Variants in CNOT8 observed in about 807,000 individuals in gnomAD.
CNOT8 encodes the protein CCR4-NOT transcription complex subunit 8, also known as CAF1-like protein.
Under a neutral mutation model 34.6 loss-of-function variants are expected in CNOT8, and 18 were observed. The observed-to-expected ratio is 0.52, with a 90% CI of 0.36 to 0.77. The LOEUF (loss-of-function observed/expected upper bound fraction) is 0.77, where lower values mean the gene tolerates loss of function less well. CNOT8 is among the 30% of genes least tolerant of loss of function. CNOT8 has a pLI of 0.00. For missense variants in CNOT8, 189 were observed against 347.9 expected (o/e 0.54, Z 3.63); for synonymous variants, 101 against 118.8 (o/e 0.85, Z 0.98).
intron 3 of CNOT8, among the ~76,000 whole-genome samples, chr5:154,869,626 GTTTTTT>G (rs34726467): frequency 8.0e-6 from 1 of 124,358 alleles, no homozygotes; most frequent in Non-Finnish European, 1.7e-5. Flanking sequence ...GTTTTTTTGT[GTTTTTT>G]TTTTTTTTTT....
At chr5:154,862,829 C>G (rs909024164) in intron 1 of CNOT8, among the ~76,000 whole-genome samples, 3 of 152,134 alleles carry the variant, frequency 2.0e-5, no homozygotes, top group African/African-American at 7.2e-5. Context: ...TCCTGTAGGA[C>G]TGTTTCCATG....
intron 2 of CNOT8, among the ~76,000 whole-genome samples, chr5:154,864,277 G>C (rs1171805983): frequency 6.6e-6 from 1 of 152,028 alleles, no homozygotes; most frequent in Non-Finnish European, 1.5e-5. Flanking sequence ...TGGCTAACAC[G>C]GTGAAACCCT....
intron 2 of CNOT8, among the ~76,000 whole-genome samples, chr5:154,864,236 G>A (rs192643609): frequency 3.7e-4 from 57 of 152,228 alleles, no homozygotes; most frequent in African/African-American, 1.3e-3. Flanking sequence ...CGAGACGGGC[G>A]GATCACGAGG....
chr5:154,875,267 T>C lies in CNOT8; in HGVS notation c.730-23T>C. On this transcript the variant is annotated intron_variant, in intron 6 of 6. Coordinates refer to ENST00000285896, the MANE Select transcript of CNOT8 (RefSeq NM_001301073.2). ...ATGACTTCTAGCATAACTCTCACCA[T>C]GGTTCTCTGTCCCATTCTGCAGTTG... 3 of 1,612,750 alleles carry C rather than the reference T, an allele frequency of 1.9e-6. No individual in the cohort carries two copies. In the South Asian group the frequency reaches 3.3e-5, roughly 18 times the overall value.
At chr5:154,860,689 G>C (rs1345470101) in intron 1 of CNOT8, among the ~76,000 whole-genome samples, 1 of 152,174 alleles carries the variant, frequency 6.6e-6, no homozygotes, top group Non-Finnish European at 1.5e-5. Flanking sequence ...AATGTGCATA[G>C]TGCGATTCCT....
rs1439163674 is a variant in CNOT8, at chr5:154,864,295, C to A, written c.118-897C>A. 6.6e-5 allele frequency among the ~76,000 whole-genome samples: 10 copies of A among 152,126 alleles called. No individual in the cohort carries two copies. In the East Asian group the frequency reaches 1.9e-3, roughly 29 times the overall value. ...CTAACACGGTGAAACCCTGCCTCTA[C>A]TAAAAATACAAAAAATTAGCCGGGC... On this transcript the variant is annotated intron_variant, in intron 2 of 6. Coordinates refer to ENST00000285896, the MANE Select transcript of CNOT8 (RefSeq NM_001301073.2).
At chr5:154,862,799 T>C (rs1456851383) in intron 1 of CNOT8, among the ~76,000 whole-genome samples, 1 of 152,204 alleles carries the variant, frequency 6.6e-6, no homozygotes, top group Admixed American at 6.5e-5. Context: ...CTCAGGTACA[T>C]TGAAAATGGC....
At chr5:154,863,159 C>T in intron 1 of CNOT8, 48 bp from the exon 2 acceptor site, 1 of 709,592 alleles carries the variant, frequency 1.4e-6, no homozygotes, top group Non-Finnish European at 2.6e-6. Flanking sequence ...GTGTTGACAT[C>T]TTATGTGTGT....
At chr5:154,872,448 C>T in intron 5 of CNOT8, 93 bp from the exon 6 acceptor site, 1 of 672,776 alleles carries the variant, frequency 1.5e-6, no homozygotes. Context: ...CCACTTCTTG[C>T]TAGAATTCAG....
Position 154,875,614 on chromosome 5 carries a change from A to G in CNOT8, c.*175A>G. On this transcript the variant is annotated 3_prime_UTR_variant, in exon 7 of 7. Transcript: ENST00000285896. ...CAAAAGATGTTTTTATTTTAGACCC[A>G]GAAGAGAGGAGTTTGCTCTGAATTT... is the stretch of plus-strand genomic sequence containing the variant. 1.5e-6 allele frequency: 1 copy of G among 650,742 alleles called. No homozygotes were observed. Among genetic ancestry groups the G allele is most frequent in the Admixed American group, 3.3e-5 (1 of 30,330 alleles). 40.3% of individuals were successfully genotyped at this position (650,742 alleles called of 1,614,324 possible).
intron 4 of CNOT8, 24 bp from the exon 5 acceptor site, chr5:154,871,706 C>A (rs764211914): frequency 3.7e-6 from 6 of 1,609,914 alleles, no homozygotes; most frequent in South Asian, 1.1e-5. Context: ...GCTTTTTTAA[C>A]CTCTGTGGTT....
At chr5:154,871,977 T>A in intron 5 of CNOT8, 103 bp downstream of exon 5, 2 of 943,342 alleles carry the variant, frequency 2.1e-6, no homozygotes, top group Non-Finnish European at 3.2e-6. Context: ...GAGTACTAGA[T>A]GCTAGTGTGG....
At chr5:154,870,540 AT>A (rs1376736750) in intron 3 of CNOT8, 120 bp from the exon 4 acceptor site, 7 of 696,900 alleles carry the variant, frequency 1.0e-5, no homozygotes, top group Middle Eastern at 3.9e-4. Flanking sequence ...GAATTGATCT[AT>A]TAAGTTAGGA....
intron 3 of CNOT8, among the ~76,000 whole-genome samples, chr5:154,868,496 C>T (rs1762146112): frequency 6.6e-6 from 1 of 152,002 alleles, no homozygotes; most frequent in Non-Finnish European, 1.5e-5. Flanking sequence ...AACTCCTGAC[C>T]CTCGTGATCC....
chr5:154,872,861 C>T (rs559591855), intron 6 of CNOT8, among the ~76,000 whole-genome samples: 14 of 152,236 alleles, frequency 9.2e-5, no homozygotes, highest in African/African-American at 2.9e-4. Flanking sequence ...CTCCGCCTCC[C>T]GGGTTCAAGC....
chr5:154,872,358 A>G (rs1762565470), intron 5 of CNOT8, among the ~76,000 whole-genome samples, 183 bp from the exon 6 acceptor site: 1 of 152,240 alleles, frequency 6.6e-6, no homozygotes, highest in African/African-American at 2.4e-5. Flanking sequence ...TGTAGGATGT[A>G]GCACAATATA....
At chr5:154,860,141 G>T (rs900075257) in intron 1 of CNOT8, among the ~76,000 whole-genome samples, 1 of 152,146 alleles carries the variant, frequency 6.6e-6, no homozygotes, top group African/African-American at 2.4e-5. Context: ...GCTGTGTTGT[G>T]CAAATAAGCA....
chr5:154,858,255 G>A (rs1253817914), upstream of CNOT8: 3 of 152,144 alleles, frequency 2.0e-5, no homozygotes, highest in East Asian at 1.9e-4. Context: ...TCGGAAAGAG[G>A]ACCAAAATGG....
chr5:154,872,837 C>T (rs2113389788), intron 6 of CNOT8, among the ~76,000 whole-genome samples, 186 bp downstream of exon 6: 1 of 152,236 alleles, frequency 6.6e-6, no homozygotes, highest in Non-Finnish European at 1.5e-5. Flanking sequence ...GGTGCGATCT[C>T]AGCTCACTGC....
Sources: gnomAD v4.1 joint callset for allele counts (sites outside exome capture counted in the v4.1 genomes callset) on GRCh38, gnomAD v4.1.1 for gene constraint, MANE v1.5 for transcripts, NCBI Gene and HGNC (gene_info 2026-07-23, HGNC 2026-07-21) for gene names.